The following USP12 variants were observed in gnomAD, a reference collection of about 807,000 sequenced individuals.
USP12 encodes the protein ubiquitin specific peptidase 12, also known as ubiquitin carboxyl-terminal hydrolase 12.
In USP12, 19 loss-of-function variants were observed where a neutral mutation model predicts 45.5. The ratio of observed to expected loss-of-function variants is 0.42; its 90% CI spans 0.29 to 0.61. The LOEUF is 0.61. Among genes scored for constraint, USP12 ranks in the 20% least tolerant of loss-of-function variants. The probability of loss-of-function intolerance (pLI) is 0.22; values close to 1 mark genes in which losing one functional copy is unlikely to be tolerated. For synonymous variants in USP12, 149 were observed against 148.8 expected (o/e 1.00, Z -0.01); for missense variants, 242 against 447.7 (o/e 0.54, Z 4.15).
At chr13:27,088,222 C>T (rs1380681214) in intron 6 of USP12, among the ~76,000 whole-genome samples, 2 of 152,102 alleles carry the variant, frequency 1.3e-5, no homozygotes, top group East Asian at 3.9e-4. Flanking sequence ...AGATCAAGAC[C>T]ATCCCAACAC....
At position 27,165,079 on chromosome 13, in the gene USP12, T is replaced by G. The variant is rs1168555949; in HGVS notation, c.48+6513A>C. ...GCTTTTTTTTTTTTTTAGTATAAAATAAGGTAAGATAGATTTTTCTTCTAA... is the reference window on the plus strand; with the variant it reads ...GCTTTTTTTTTTTTTTAGTATAAAAGAAGGTAAGATAGATTTTTCTTCTAA... On this transcript the variant is annotated intron_variant, in intron 1 of 8. Coordinates refer to ENST00000282344, the MANE Select transcript of USP12 (RefSeq NM_182488.4). Among the ~76,000 whole-genome samples, 20 of 150,394 alleles carry G rather than the reference T, an allele frequency of 1.3e-4. No homozygotes were observed. The Admixed American group carries it at 1.3e-3, about 10-fold the overall frequency.
In USP12 at chr13:27,095,844, CATT is replaced by C; in HGVS notation, c.344-17_344-15del. On this transcript the variant is annotated splice_polypyrimidine_tract_variant and intron_variant, in intron 3 of 8. Coordinates refer to ENST00000282344, the MANE Select transcript of USP12 (RefSeq NM_182488.4). ...TGTCAAAAAGCTCTGAAAATAAAAA[CATT>C]ATATTAGAGAATTATTTCAGAATTC... The C allele has an allele frequency of 2.6e-6, 4 of 1,551,782 alleles. No individual in the cohort carries two copies. Among genetic ancestry groups the C allele is most frequent in the Non-Finnish European group, 3.5e-6 (4 of 1,150,396 alleles).
chr13:27,118,063 G>C (rs978160869), intron 1 of USP12, among the ~76,000 whole-genome samples: 4 of 150,374 alleles, frequency 2.7e-5, no homozygotes, highest in African/African-American at 9.8e-5. Context: ...AAATGTCACA[G>C]TGAAGAGCTG....
chr13:27,069,900 T>A (rs1873163971), intron 8 of USP12, among the ~76,000 whole-genome samples: 1 of 152,114 alleles, frequency 6.6e-6, no homozygotes, highest in African/African-American at 2.4e-5. Context: ...TGAGCCGAGA[T>A]CGCACCCTTG....
At chr13:27,078,192 T>A (rs1230786558) in intron 6 of USP12, among the ~76,000 whole-genome samples, 2 of 152,104 alleles carry the variant, frequency 1.3e-5, no homozygotes, top group East Asian at 3.9e-4. Flanking sequence ...CAGCCATGAA[T>A]TGAAAATATT....
chr13:27,099,359 A>AT (rs1434706020), intron 3 of USP12, among the ~76,000 whole-genome samples: 1 of 152,020 alleles, frequency 6.6e-6, no homozygotes, highest in Non-Finnish European at 1.5e-5. Context: ...ACATTCCTTT[A>AT]TTTTTTTAAG....
At chr13:27,164,089 GA>G (rs34498931) in intron 1 of USP12, among the ~76,000 whole-genome samples, 64,750 of 144,662 alleles carry the variant, frequency 0.45, 15,149 homozygotes, top group East Asian at 0.8. Context: ...CTACAAAAAG[GA>G]AAAAAAAAAA....
chr13:27,143,324 T>C (rs768097953), intron 1 of USP12, among the ~76,000 whole-genome samples: 2 of 152,188 alleles, frequency 1.3e-5, no homozygotes, highest in East Asian at 3.8e-4. Flanking sequence ...GAGTATCACA[T>C]TGATTCCTTA....
At chr13:27,107,595 G>A (rs866694319) in intron 2 of USP12, among the ~76,000 whole-genome samples, 1 of 152,186 alleles carries the variant, frequency 6.6e-6, no homozygotes, top group Non-Finnish European at 1.5e-5. Flanking sequence ...TTCAAATTCT[G>A]TCCACTGAAA....
At position 27,116,622 on chromosome 13, in the gene USP12, A is replaced by G. The variant is rs764113472; in HGVS notation, c.49-26T>C. Reference sequence around the variant, plus strand: ...CTATAAAATGAAAAACAAAAATCTTAGTATTTATAGTAGTCATGCACCACA... The same window carrying G: ...CTATAAAATGAAAAACAAAAATCTTGGTATTTATAGTAGTCATGCACCACA... On this transcript the variant is annotated intron_variant, in intron 1 of 8. Transcript: ENST00000282344. 8 of 1,604,008 alleles carry G rather than the reference A, an allele frequency of 5.0e-6. No individual in the cohort carries two copies. The South Asian group carries it at 8.9e-5, about 18-fold the overall frequency.
At chr13:27,130,212 A>T (rs894632558) in intron 1 of USP12, among the ~76,000 whole-genome samples, 1 of 152,220 alleles carries the variant, frequency 6.6e-6, no homozygotes, top group African/African-American at 2.4e-5. Context: ...TTCTGGCAGT[A>T]GCCTGGGGAA....
intron 4 of USP12, among the ~76,000 whole-genome samples, chr13:27,094,039 TTATTAAAAAC>T (rs1429171477): frequency 1.3e-5 from 2 of 152,120 alleles, no homozygotes; most frequent in Non-Finnish European, 1.5e-5. Flanking sequence ...TTTTCCAATG[TTATTAAAAAC>T]TAGCAGCACA....
intron 1 of USP12, among the ~76,000 whole-genome samples, chr13:27,157,189 TGTG>T (rs1188637063): frequency 6.6e-6 from 1 of 152,222 alleles, no homozygotes; most frequent in Non-Finnish European, 1.5e-5. Flanking sequence ...TTTTCACTAA[TGTG>T]GTAATCATGT....
intron 1 of USP12, among the ~76,000 whole-genome samples, chr13:27,120,811 G>A (rs750123622): frequency 5.9e-5 from 9 of 152,150 alleles, no homozygotes; most frequent in Non-Finnish European, 1.0e-4. Flanking sequence ...GAAGTAATGA[G>A]ATACTCAGGC....
At chr13:27,091,824 T>C (rs1055212917) in intron 4 of USP12, among the ~76,000 whole-genome samples, 3 of 152,228 alleles carry the variant, frequency 2.0e-5, no homozygotes, top group Non-Finnish European at 4.4e-5. Flanking sequence ...AAGGGTGTTA[T>C]AGACACCAGC....
intron 1 of USP12, among the ~76,000 whole-genome samples, chr13:27,119,363 T>A (rs1392997021): frequency 1.3e-5 from 2 of 152,148 alleles, no homozygotes; most frequent in Non-Finnish European, 2.9e-5. Context: ...AGCAGAACCA[T>A]AATCCAATTC....
chr13:27,086,033 G>A (rs961725736), intron 6 of USP12, among the ~76,000 whole-genome samples: 3 of 151,394 alleles, frequency 2.0e-5, no homozygotes, highest in Admixed American at 1.3e-4. Flanking sequence ...ATTCAGGCAC[G>A]GTGGCACACA....
At chr13:27,083,857 AAT>A (rs112548761) in intron 6 of USP12, among the ~76,000 whole-genome samples, 4,600 of 146,972 alleles carry the variant, frequency 0.031, 102 homozygotes, top group African/African-American at 0.064. Context: ...TTTTTGGGAG[AAT>A]ATATATATAT....
At chr13:27,069,464 A>C in intron 8 of USP12, 80 bp from the exon 9 acceptor site, 23 of 973,112 alleles carry the variant, frequency 2.4e-5, no homozygotes, top group Middle Eastern at 2.1e-4. Flanking sequence ...GACTGACAAT[A>C]CCAAGTATTT....
Sources: gnomAD v4.1 joint callset for allele counts (sites outside exome capture counted in the v4.1 genomes callset) on GRCh38, gnomAD v4.1.1 for gene constraint, MANE v1.5 for transcripts, NCBI Gene and HGNC (gene_info 2026-07-23, HGNC 2026-07-21) for gene names.